MORC1: variants seen among roughly 807,000 people sequenced by gnomAD.
The protein encoded by MORC1 is MORC family CW-type zinc finger protein 1.
In MORC1, 59 loss-of-function variants were observed where a neutral mutation model predicts 134.9. The observed-to-expected ratio is 0.44, with a 90% CI of 0.35 to 0.54. MORC1 has a LOEUF of 0.54. Ranked by LOEUF, MORC1 falls within the 20% of genes least tolerant of loss-of-function variation. The pLI is 0.00. For missense variants in MORC1, 947 were observed against 1,134.5 expected, an observed-to-expected ratio of 0.83 and a Z score of 2.37; for synonymous variants, 395 against 391.7, an observed-to-expected ratio of 1.01 and a Z score of -0.10.
intron 21 of MORC1, among the ~76,000 whole-genome samples, chr3:108,998,978 T>C (rs1948316308): frequency 6.6e-6 from 1 of 152,182 alleles, no homozygotes; most frequent in Admixed American, 6.5e-5. Flanking sequence ...GGTGACAAAG[T>C]AAGGGCTCCA....
chr3:109,056,360 TGA>T (rs2107672606), intron 13 of MORC1, among the ~76,000 whole-genome samples: 1 of 152,304 alleles, frequency 6.6e-6, no homozygotes, highest in Non-Finnish European at 1.5e-5. Context: ...CCCGAGTAGC[TGA>T]GACCACAGGT....
chr3:109,009,381 T>G (rs540871965), intron 17 of MORC1, among the ~76,000 whole-genome samples: 64 of 152,132 alleles, frequency 4.2e-4, no homozygotes, highest in Non-Finnish European at 5.4e-4. Flanking sequence ...AATTTTTGTA[T>G]TTTTAGTAGA....
intron 26 of MORC1, among the ~76,000 whole-genome samples, chr3:108,968,418 C>A (rs1470636617): frequency 6.6e-6 from 1 of 152,174 alleles, no homozygotes; most frequent in Non-Finnish European, 1.5e-5. Flanking sequence ...CTGTGTGATA[C>A]AGTCTTTGTA....
At chr3:109,043,329 G>C (rs1470166003) in intron 14 of MORC1, among the ~76,000 whole-genome samples, 1 of 152,042 alleles carries the variant, frequency 6.6e-6, no homozygotes, top group African/African-American at 2.4e-5. Context: ...ATACTGTATT[G>C]TTCCACTTAC....
intron 8 of MORC1, among the ~76,000 whole-genome samples, chr3:109,092,398 T>C (rs764957812): frequency 2.4e-4 from 36 of 152,308 alleles, no homozygotes; most frequent in Non-Finnish European, 2.5e-4. Context: ...TTTCACCTCA[T>C]TGGGAAAAGC....
intron 22 of MORC1, 146 bp from the exon 23 acceptor site, chr3:108,984,928 G>A (rs911608130): frequency 6.6e-6 from 4 of 604,428 alleles, no homozygotes; most frequent in Admixed American, 3.5e-5. Context: ...CAGTTGTAAC[G>A]AGATCTATAA....
Position 108,958,910 on chromosome 3 carries a change from A to G in MORC1, c.*55T>C. 7.8e-7 allele frequency: 1 copy of G among 1,282,754 alleles called. No homozygotes were observed. The highest frequency in any genetic ancestry group is 1.0e-6 in the Non-Finnish European group (1 of 963,806). The allele number at this position is 1,282,754 out of a possible 1,614,324, so 79.5% of individuals were successfully genotyped here. ...AACAACAAAAAAGAAAAATTTTTAAAAGAATCTTCCAATTTTCTTATTAGC... is the reference window on the plus strand; with the variant it reads ...AACAACAAAAAAGAAAAATTTTTAAGAGAATCTTCCAATTTTCTTATTAGC... On this transcript the variant is annotated 3_prime_UTR_variant, in exon 28 of 28. Transcript: ENST00000232603.
chr3:108,992,919 A>C (rs1948106280), intron 21 of MORC1, among the ~76,000 whole-genome samples: 1 of 152,232 alleles, frequency 6.6e-6, no homozygotes, highest in Non-Finnish European at 1.5e-5. Context: ...TCAGAATTAC[A>C]GAAGGTGGCT....
intron 14 of MORC1, among the ~76,000 whole-genome samples, chr3:109,038,539 T>C (rs1274363535): frequency 1.3e-5 from 2 of 152,180 alleles, no homozygotes; most frequent in Non-Finnish European, 2.9e-5. Flanking sequence ...TGGTATTGCC[T>C]AGGTTTTCTT....
At chr3:108,963,722 G>C in intron 26 of MORC1, 114 bp from the exon 27 acceptor site, 2 of 692,850 alleles carry the variant, frequency 2.9e-6, no homozygotes. Context: ...TGTCAACTTC[G>C]TAGGTGGTCT....
At chr3:108,961,070 A>G (rs1167744066) in intron 27 of MORC1, among the ~76,000 whole-genome samples, 1 of 152,180 alleles carries the variant, frequency 6.6e-6, no homozygotes, top group Non-Finnish European at 1.5e-5. Context: ...ACTGATCTAA[A>G]TCTCATTCCC....
At chr3:108,990,697 G>A (rs570156286) in intron 21 of MORC1, among the ~76,000 whole-genome samples, 4 of 152,220 alleles carry the variant, frequency 2.6e-5, no homozygotes, top group East Asian at 3.9e-4. Flanking sequence ...AGGGAGGATC[G>A]TCTGTTTTTA....
At chr3:109,076,954 T>C (rs1473405314) in intron 8 of MORC1, among the ~76,000 whole-genome samples, 1 of 140,594 alleles carries the variant, frequency 7.1e-6, no homozygotes, top group African/African-American at 2.7e-5. Flanking sequence ...TCTGCACATG[T>C]ATCCCAGAAC....
chr3:108,958,942 T>G lies in MORC1; in HGVS notation c.*23A>C. 1 of 1,412,338 alleles carries G rather than the reference T, an allele frequency of 7.1e-7. No individual in the cohort carries two copies. Among genetic ancestry groups the G allele is most frequent in the Non-Finnish European group, 9.3e-7 (1 of 1,070,980 alleles). 87.5% of individuals were successfully genotyped at this position (1,412,338 alleles called of 1,614,324 possible). A position where few individuals can be genotyped will look rare whatever the true frequency, so the allele number is the denominator to read the frequency against. ...TTCCAATTTTCTTATTAGCATTTTT[T>G]AAAAGGTAATACCATCTCTGACTTA... On this transcript the variant is annotated 3_prime_UTR_variant, in exon 28 of 28. Transcript: ENST00000232603.
chr3:109,063,781 AT>A (rs1234961935), intron 9 of MORC1, among the ~76,000 whole-genome samples: 2 of 152,296 alleles, frequency 1.3e-5, no homozygotes, highest in African/African-American at 2.4e-5. Context: ...AAGGAAAAAA[AT>A]ATACATACAT....
intron 24 of MORC1, among the ~76,000 whole-genome samples, chr3:108,971,653 T>C (rs187101563): frequency 1.1e-3 from 165 of 152,316 alleles, no homozygotes; most frequent in Non-Finnish European, 1.9e-3. Context: ...CTGGTCTGTA[T>C]CTTGACTGCA....
chr3:108,961,865 A>G (rs879913840), intron 27 of MORC1, among the ~76,000 whole-genome samples: 17 of 152,234 alleles, frequency 1.1e-4, no homozygotes, highest in Middle Eastern at 3.2e-3. Flanking sequence ...TGCTATTATG[A>G]AAGCCAATTA....
At chr3:109,037,439 T>C (rs1329139925) in intron 14 of MORC1, among the ~76,000 whole-genome samples, 1 of 152,164 alleles carries the variant, frequency 6.6e-6, no homozygotes, top group Non-Finnish European at 1.5e-5. Flanking sequence ...TCTTTCTATG[T>C]GTTTGTGTGT....
intron 14 of MORC1, among the ~76,000 whole-genome samples, chr3:109,046,969 T>C (rs542661185): frequency 6.6e-6 from 1 of 152,120 alleles, no homozygotes; most frequent in Non-Finnish European, 1.5e-5. Context: ...GTGAACTTCA[T>C]AAGCAAGTGT....
Sources: allele counts gnomAD v4.1 joint callset (sites outside exome capture counted in the v4.1 genomes callset), GRCh38; gene constraint gnomAD v4.1.1; transcripts MANE v1.5; gene names NCBI Gene and HGNC (gene_info 2026-07-23, HGNC 2026-07-21).